Variants in TMEM127 observed in about 807,000 individuals in gnomAD.
TMEM127 encodes the protein transmembrane protein 127.
A neutral mutation model predicts 20.1 loss-of-function variants in TMEM127; 21 were observed. The observed-to-expected ratio is 1.04, with a 90% CI of 0.74 to 1.50. TMEM127 has a LOEUF of 1.50. Ranked by LOEUF, TMEM127 falls within the 40% of genes most tolerant of loss-of-function variation. The probability of loss-of-function intolerance (pLI) is 0.00; values close to 1 mark genes in which losing one functional copy is unlikely to be tolerated. For missense variants in TMEM127, 303 were observed against 317.4 expected (o/e 0.95, Z 0.34); for synonymous variants, 150 against 144.7 (o/e 1.04, Z -0.26).
chr2:96,256,955 C>T (rs1035385268), intron 2 of TMEM127, among the ~76,000 whole-genome samples: 10 of 152,134 alleles, frequency 6.6e-5, no homozygotes, highest in African/African-American at 2.2e-4. Flanking sequence ...ACATTTATAC[C>T]ACAAAAGCCC....
Position 96,250,157 on chromosome 2 carries a change from C to T in TMEM127, c.*3651G>A. 1 of 233,422 alleles carries T rather than the reference C, an allele frequency of 4.3e-6. No individual in the cohort carries two copies. The allele number at this position is 233,422 out of a possible 1,614,324, so 14.5% of individuals were successfully genotyped here. A position where few individuals can be genotyped will look rare whatever the true frequency, so the allele number is the denominator to read the frequency against. Reference sequence around the variant, plus strand: ...CCAGTCATTAAAATAAGGTTGCATCCCTCCCTTCCCTTCTGAAAATCCTTC... The same window carrying T: ...CCAGTCATTAAAATAAGGTTGCATCTCTCCCTTCCCTTCTGAAAATCCTTC... On this transcript the variant is annotated 3_prime_UTR_variant, in exon 4 of 4. Coordinates refer to ENST00000258439, the MANE Select transcript of TMEM127 (RefSeq NM_017849.4).
chr2:96,257,784 G>A (rs1420509620), intron 2 of TMEM127, among the ~76,000 whole-genome samples: 1 of 152,050 alleles, frequency 6.6e-6, no homozygotes, highest in Non-Finnish European at 1.5e-5. Context: ...GTATGGTGGC[G>A]TGCACCTGTA....
chr2:96,263,038 C>A (rs894462368), intron 2 of TMEM127, among the ~76,000 whole-genome samples: 25 of 149,674 alleles, frequency 1.7e-4, no homozygotes, highest in Non-Finnish European at 2.5e-4. Context: ...GAACCTGCAC[C>A]AAGAATTTAC....
intron 3 of TMEM127, 113 bp from the exon 4 acceptor site, chr2:96,254,228 C>G: frequency 7.2e-7 from 1 of 1,394,782 alleles, no homozygotes; most frequent in Non-Finnish European, 9.9e-7. Context: ...GAGAACCTGC[C>G]TGGCCCCAGA....
chr2:96,257,399 T>C (rs895575469), intron 2 of TMEM127, among the ~76,000 whole-genome samples: 6 of 151,258 alleles, frequency 4.0e-5, no homozygotes, highest in Admixed American at 4.0e-4. Context: ...GAGACGGAGG[T>C]TGCAGTGAGC....
intron 2 of TMEM127, among the ~76,000 whole-genome samples, chr2:96,261,099 C>T (rs1684304218): frequency 6.6e-6 from 1 of 152,202 alleles, no homozygotes; most frequent in African/African-American, 2.4e-5. Context: ...GGGGCTGTTG[C>T]CAGTGCCCTT....
In TMEM127 at chr2:96,265,528, C is replaced by A. The variant is rs942816932; in HGVS notation, c.-131-16G>T. 20 of 1,102,246 alleles carry A rather than the reference C, an allele frequency of 1.8e-5. No individual in the cohort carries two copies. The African/African-American group carries it at 2.6e-4, about 15-fold the overall frequency. The allele number at this position is 1,102,246 out of a possible 1,614,324, so 68.3% of individuals were successfully genotyped here. On this transcript the variant is annotated splice_polypyrimidine_tract_variant and intron_variant, in intron 1 of 3. Coordinates refer to ENST00000258439, the MANE Select transcript of TMEM127 (RefSeq NM_017849.4). ...CGGGACTGGGCTGTCAGGGTTGACACCAGAGGATAGGGGGGTGGGACCCGG... is the reference window on the plus strand; with the variant it reads ...CGGGACTGGGCTGTCAGGGTTGACAACAGAGGATAGGGGGGTGGGACCCGG...
chr2:96,265,773 G>A, intron 1 of TMEM127, 96 bp downstream of exon 1: 1 of 209,322 alleles, frequency 4.8e-6, no homozygotes, highest in Middle Eastern at 1.6e-3. Context: ...ACCGGGCTGG[G>A]CCGCGGGGAT....
chr2:96,258,343 C>T (rs1345582878), intron 2 of TMEM127, among the ~76,000 whole-genome samples: 1 of 152,210 alleles, frequency 6.6e-6, no homozygotes, highest in Non-Finnish European at 1.5e-5. Context: ...GGGACCTAAA[C>T]CCAGCAAAGC....
At chr2:96,263,310 C>T (rs1055876535) in intron 2 of TMEM127, among the ~76,000 whole-genome samples, 10 of 151,032 alleles carry the variant, frequency 6.6e-5, no homozygotes, top group East Asian at 2.0e-4. Flanking sequence ...CCACCCGCCT[C>T]GGCCTCCCAA....
At chr2:96,264,855 G>A (rs1684381175) in intron 2 of TMEM127, among the ~76,000 whole-genome samples, 1 of 152,164 alleles carries the variant, frequency 6.6e-6, no homozygotes, top group African/African-American at 2.4e-5. Flanking sequence ...GTGATACCTA[G>A]CACCCTTATC....
intron 2 of TMEM127, among the ~76,000 whole-genome samples, chr2:96,256,361 C>G (rs759245683): frequency 6.6e-6 from 1 of 151,476 alleles, no homozygotes; most frequent in South Asian, 2.1e-4. Flanking sequence ...CACCTGAGGT[C>G]AGGAGTTTGA....
At position 96,265,852 on chromosome 2, in the gene TMEM127, C is replaced by T. The variant is rs72937660; in HGVS notation, c.-132+17G>A. Reference sequence around the variant, plus strand: ...TGCGCAGAAAAGACCCTCCCCACGCCGCCCACTGTTCCTCACCAGTCAGCA... The same window carrying T: ...TGCGCAGAAAAGACCCTCCCCACGCTGCCCACTGTTCCTCACCAGTCAGCA... On this transcript the variant is annotated intron_variant, in intron 1 of 3. Transcript: ENST00000258439. 384 of 173,906 alleles carry T rather than the reference C, an allele frequency of 2.2e-3. 2 individuals carry two copies. Among genetic ancestry groups the T allele is most frequent in the African/African-American group, 8.4e-3 (357 of 42,406 alleles). 10.8% of individuals were successfully genotyped at this position (173,906 alleles called of 1,614,324 possible).
At chr2:96,255,761 C>T (rs577511497) in intron 2 of TMEM127, among the ~76,000 whole-genome samples, 2 of 151,578 alleles carry the variant, frequency 1.3e-5, no homozygotes, top group Admixed American at 6.6e-5. Flanking sequence ...GAGGATTGCT[C>T]GAGGCCAAGA....
chr2:96,261,902 G>A (rs1179544240), intron 2 of TMEM127, among the ~76,000 whole-genome samples: 1 of 152,116 alleles, frequency 6.6e-6, no homozygotes, highest in East Asian at 1.9e-4. Flanking sequence ...GCTGCTCCAG[G>A]GCCTGCTGGC....
chr2:96,254,155 G>A (rs751941952), intron 3 of TMEM127, 40 bp from the exon 4 acceptor site: 3 of 1,608,168 alleles, frequency 1.9e-6, no homozygotes, highest in Admixed American at 3.3e-5. Context: ...GAATTAGTGA[G>A]CACTCCACAG....
At chr2:96,264,451 C>T (rs1006223888) in intron 2 of TMEM127, among the ~76,000 whole-genome samples, 4 of 152,196 alleles carry the variant, frequency 2.6e-5, no homozygotes, top group Admixed American at 2.0e-4. Flanking sequence ...GCAGGTGATA[C>T]AGTCCAGTCC....
chr2:96,259,302 C>A (rs1334577819), intron 2 of TMEM127, among the ~76,000 whole-genome samples: 3 of 152,246 alleles, frequency 2.0e-5, no homozygotes, highest in Admixed American at 6.5e-5. Context: ...CCAGGCCACA[C>A]GCTGCAGAGC....
rs537225254 is a variant in TMEM127 at position 96,252,036 on chromosome 2, C to T, written c.*1772G>A. 1.5e-3 allele frequency: 345 copies of T among 233,526 alleles called. 1 individual carries two copies. The highest frequency in any genetic ancestry group is 5.1e-3 in the Middle Eastern group (4 of 784). 14.5% of individuals were successfully genotyped at this position (233,526 alleles called of 1,614,324 possible). A position where few individuals can be genotyped will look rare whatever the true frequency, so the allele number is the denominator to read the frequency against. On this transcript the variant is annotated 3_prime_UTR_variant, in exon 4 of 4. Transcript: ENST00000258439. This position sits in a 1 kb window ranked among gnomAD's most constrained non-coding sequence, Gnocchi z 4.2. ...GGCTTTGTGCTCAGGCATCACATAG[C>T]AGGCAGCCTGCAGCCTTTCTTGCCT...
Sources: gnomAD v4.1 joint callset for allele counts (sites outside exome capture counted in the v4.1 genomes callset) on GRCh38, gnomAD v4.1.1 for gene constraint, Gnocchi (gnomAD v3.1) non-coding constraint, MANE v1.5 for transcripts, NCBI Gene and HGNC (gene_info 2026-07-23, HGNC 2026-07-21) for gene names.